Variants in LZTS1 observed in about 807,000 individuals in gnomAD.
LZTS1 encodes leucine zipper tumor suppressor 1, also known as leucine zipper putative tumor suppressor 1.
Under a neutral mutation model 45.8 loss-of-function variants are expected in LZTS1, and 31 were observed. The ratio of observed to expected loss-of-function variants is 0.68; its 90% CI spans 0.51 to 0.91. LZTS1 has a LOEUF of 0.91. LZTS1 is among the 40% of genes least tolerant of loss of function. The pLI is 0.00. For missense variants in LZTS1, 821 were observed against 788.9 expected, an observed-to-expected ratio of 1.04 and a Z score of -0.49; for synonymous variants, 359 against 357.3, an observed-to-expected ratio of 1.00 and a Z score of -0.05.
intron 1 of LZTS1, among the ~76,000 whole-genome samples, chr8:20,264,699 G>A (rs1282632190): frequency 2.6e-5 from 4 of 152,186 alleles, no homozygotes; most frequent in South Asian, 2.1e-4. Flanking sequence ...CCTGGAACTC[G>A]AGGCACAACC....
intron 1 of LZTS1, among the ~76,000 whole-genome samples, chr8:20,286,597 G>A (rs1259698411): frequency 6.6e-6 from 1 of 152,222 alleles, no homozygotes; most frequent in Admixed American, 6.5e-5. Context: ...ATGTTTGGCT[G>A]TGTCTATCCA....
At chr8:20,279,888 G>A (rs563976652) in intron 1 of LZTS1, among the ~76,000 whole-genome samples, 61 of 151,622 alleles carry the variant, frequency 4.0e-4, no homozygotes, top group African/African-American at 1.4e-3. Context: ...TCAGGAGGCT[G>A]AGGTGGGAGG....
At chr8:20,270,001 C>G (rs1270835436) in intron 1 of LZTS1, among the ~76,000 whole-genome samples, 1 of 152,226 alleles carries the variant, frequency 6.6e-6, no homozygotes, top group African/African-American at 2.4e-5. Flanking sequence ...CAGGGCATTA[C>G]AGAGGTACCC....
intron 1 of LZTS1, among the ~76,000 whole-genome samples, chr8:20,302,401 A>T (rs2128900484): frequency 6.6e-6 from 1 of 151,858 alleles, no homozygotes; most frequent in East Asian, 1.9e-4. Context: ...ATATGCGCAC[A>T]CTCTTCGGGC....
chr8:20,251,096 C>CCAA (rs1271314284), intron 3 of LZTS1, among the ~76,000 whole-genome samples: 4 of 40,152 alleles, frequency 1.0e-4, no homozygotes, highest in African/African-American at 2.5e-4. Context: ...AGCCTGAGGG[C>CCAA]TAATATATAT....
Position 20,250,257 on chromosome 8 carries a change from AG to A in LZTS1, c.1255del (p.Leu419Ter). On this transcript the variant is annotated frameshift_variant, in exon 4 of 4. Transcript: ENST00000381569. LOFTEE classifies it high-confidence loss of function. ...CTCCAGCTTGCCCCGCGTGTCCTTC[AG>A]CTGTGCCTTGAGACCCAGGATCTCG... ...ASEILGLKAQ[L>X]KDTRGKLEGL... 4 of 1,613,826 alleles carry A rather than the reference AG, an allele frequency of 2.5e-6. No homozygotes were observed. The highest frequency in any genetic ancestry group is 3.4e-6 in the Non-Finnish European group (4 of 1,180,018).
chr8:20,282,011 G>A (rs548706456), intron 1 of LZTS1, among the ~76,000 whole-genome samples: 10 of 152,064 alleles, frequency 6.6e-5, no homozygotes, highest in South Asian at 2.1e-4. Context: ...AACAGGCTCC[G>A]TTCTCTCTGA....
At chr8:20,293,673 C>G (rs1191055701) in intron 1 of LZTS1, among the ~76,000 whole-genome samples, 1 of 152,190 alleles carries the variant, frequency 6.6e-6, no homozygotes, top group Non-Finnish European at 1.5e-5. Flanking sequence ...TAGCTCACGC[C>G]TATAATCCCA....
rs538601346 is a variant in LZTS1 at position 20,252,656 on chromosome 8, C to T, written c.1149+126G>A. On this transcript the variant is annotated intron_variant, in intron 3 of 3. Coordinates refer to ENST00000381569, the MANE Select transcript of LZTS1 (RefSeq NM_021020.5). ...GAGCCCCTTCTTTGGGTGATAAAGC[C>T]AGCACATTAGCCCCGCTTGCCTGCG... The T allele has an allele frequency of 1.2e-5, 9 of 746,956 alleles. No individual in the cohort carries two copies. In the East Asian group the frequency reaches 1.8e-4, roughly 15 times the overall value. The allele number at this position is 746,956 out of a possible 1,614,324, so 46.3% of individuals were successfully genotyped here. A position where few individuals can be genotyped will look rare whatever the true frequency, so the allele number is the denominator to read the frequency against.
chr8:20,260,212 T>G (rs1800197164), intron 1 of LZTS1, among the ~76,000 whole-genome samples: 3 of 152,164 alleles, frequency 2.0e-5, no homozygotes, highest in Non-Finnish European at 4.4e-5. Flanking sequence ...ATATCTTATT[T>G]TATTGATGAT....
At chr8:20,301,667 C>T (rs1006892875) in intron 1 of LZTS1, among the ~76,000 whole-genome samples, 1 of 152,108 alleles carries the variant, frequency 6.6e-6, no homozygotes, top group Non-Finnish European at 1.5e-5. Flanking sequence ...TTGCTATACA[C>T]GCTGACCCAC....
Position 20,249,611 on chromosome 8 carries a change from C to T in LZTS1, c.*111G>A. 7.3e-7 allele frequency: 1 copy of T among 1,368,492 alleles called. No homozygotes were observed. Among genetic ancestry groups the T allele is most frequent in the Non-Finnish European group, 9.8e-7 (1 of 1,016,966 alleles). 84.8% of individuals were successfully genotyped at this position (1,368,492 alleles called of 1,614,324 possible). On this transcript the variant is annotated 3_prime_UTR_variant, in exon 4 of 4. Coordinates refer to ENST00000381569, the MANE Select transcript of LZTS1 (RefSeq NM_021020.5). The stretch of plus-strand genomic sequence containing the variant: ...CCCCTCGGGGGTCCTGGGTCTGTGT[C>T]CCAGGGAGTGGCGTCTCTCAGAGGG...
At chr8:20,288,102 C>A (rs867691970) in intron 1 of LZTS1, among the ~76,000 whole-genome samples, 8 of 152,184 alleles carry the variant, frequency 5.3e-5, no homozygotes, top group South Asian at 2.1e-4. Context: ...TCCGTCTCAG[C>A]CTCACAAGCT....
chr8:20,286,866 G>A (rs1800801289), intron 1 of LZTS1, among the ~76,000 whole-genome samples: 1 of 152,184 alleles, frequency 6.6e-6, no homozygotes, highest in Non-Finnish European at 1.5e-5. Context: ...CACGTTCTGT[G>A]CAATTCCATT....
intron 1 of LZTS1, among the ~76,000 whole-genome samples, chr8:20,269,556 A>G (rs1446788587): frequency 6.6e-6 from 1 of 152,172 alleles, no homozygotes; most frequent in Non-Finnish European, 1.5e-5. Flanking sequence ...CAGAGACTGA[A>G]ACATAGGTTT....
chr8:20,256,445 G>C (rs1244274740), intron 1 of LZTS1, among the ~76,000 whole-genome samples: 1 of 152,116 alleles, frequency 6.6e-6, no homozygotes, highest in Middle Eastern at 3.4e-3. Flanking sequence ...TTGAGGAGAC[G>C]GGGGATAGAA....
At chr8:20,267,973 C>A (rs1380508994) in intron 1 of LZTS1, among the ~76,000 whole-genome samples, 3 of 152,172 alleles carry the variant, frequency 2.0e-5, no homozygotes, top group Non-Finnish European at 2.9e-5. Context: ...GATACCAAAG[C>A]CCGGCCACTG....
intron 1 of LZTS1, among the ~76,000 whole-genome samples, chr8:20,297,297 C>T (rs1231971324): frequency 6.6e-6 from 1 of 152,134 alleles, no homozygotes; most frequent in Non-Finnish European, 1.5e-5. Flanking sequence ...TGGACTAAAC[C>T]TTTTGAATTG....
At chr8:20,251,914 G>GCA (rs1434163020) in intron 3 of LZTS1, among the ~76,000 whole-genome samples, 1 of 152,180 alleles carries the variant, frequency 6.6e-6, no homozygotes, top group African/African-American at 2.4e-5. Flanking sequence ...ACAGCTGCCA[G>GCA]CAGTGGGCAA....
Sources: gnomAD v4.1 joint callset for allele counts (sites outside exome capture counted in the v4.1 genomes callset) on GRCh38, gnomAD v4.1.1 for gene constraint, MANE v1.5 for transcripts, NCBI Gene and HGNC (gene_info 2026-07-23, HGNC 2026-07-21) for gene names.